WDHD1: variants seen among roughly 807,000 people sequenced by gnomAD.
The protein encoded by WDHD1 is WD repeat and HMG-box DNA binding protein 1, also known as WD repeat and HMG-box DNA-binding protein 1.
A neutral mutation model predicts 135.4 loss-of-function variants in WDHD1; 111 were observed. That is an observed-to-expected ratio of 0.82 (90% CI 0.70 to 0.96). The LOEUF (loss-of-function observed/expected upper bound fraction) is 0.96, where lower values mean the gene tolerates loss of function less well. Ranked by LOEUF, WDHD1 falls within the 40% of genes least tolerant of loss-of-function variation. The probability of loss-of-function intolerance (pLI) is 0.00; values close to 1 mark genes in which losing one functional copy is unlikely to be tolerated. For synonymous variants in WDHD1, 434 were observed against 439.0 expected, an observed-to-expected ratio of 0.99 and a Z score of 0.14; for missense variants, 1,351 against 1,336.3, an observed-to-expected ratio of 1.01 and a Z score of -0.17.
chr14:54,941,972 C>A (rs1267993395), intron 25 of WDHD1, among the ~76,000 whole-genome samples: 1 of 152,124 alleles, frequency 6.6e-6, no homozygotes, highest in South Asian at 2.1e-4. Flanking sequence ...AACTTTTGGC[C>A]AGGCACGGTG....
At position 54,963,174 on chromosome 14, in the gene WDHD1, T is replaced by G. The variant is rs1263769684; in HGVS notation, c.2311-2A>C. The G allele has an allele frequency of 5.1e-5, 11 of 216,554 alleles. No homozygotes were observed. Among genetic ancestry groups the G allele is most frequent in the Admixed American group, 1.7e-4 (3 of 17,400 alleles). 13.4% of individuals were successfully genotyped at this position (216,554 alleles called of 1,614,324 possible). Reference sequence around the variant, plus strand: ...TTCTCGCTCCAGTTTACAAGAAAGCTAATCCAAAAAGGGGGGGGGGGGGGA... The same window carrying G: ...TTCTCGCTCCAGTTTACAAGAAAGCGAATCCAAAAAGGGGGGGGGGGGGGA... On this transcript the variant is annotated splice_acceptor_variant, in intron 18 of 25. Coordinates refer to ENST00000360586, the MANE Select transcript of WDHD1 (RefSeq NM_007086.4). LOFTEE classifies it high-confidence loss of function.
At position 54,957,175 on chromosome 14, in the gene WDHD1, C is replaced by T. The variant is rs1322060655; in HGVS notation, c.2775G>A (p.Met925Ile). The T allele has an allele frequency of 6.2e-7, 1 of 1,614,064 alleles. No individual in the cohort carries two copies. The highest frequency in any genetic ancestry group is 1.1e-5 in the South Asian group (1 of 91,056). The change falls in exon 23 of 26, where the codon ATG becomes ATA. Residue 925 changes from methionine (M) to isoleucine (I), a missense_variant. By Grantham distance (10) the Met-to-Ile change is conservative (BLOSUM62 1). Transcript: ENST00000360586. The part of the protein sequence containing the change: ...KVSASSKEPA[M>I]SMNSARSTNI... ...TAGTTGAACGTGCTGAATTCATTGA[C>T]ATGGCTGGTTCTTTGGAACTGGCTG...
intron 16 of WDHD1, among the ~76,000 whole-genome samples, chr14:54,979,180 G>C (rs913326395): frequency 2.0e-5 from 3 of 151,738 alleles, no homozygotes; most frequent in Non-Finnish European, 4.4e-5. Context: ...TTTTGAGATA[G>C]GTTCTCTGTC....
intron 24 of WDHD1, among the ~76,000 whole-genome samples, chr14:54,950,144 T>C (rs1305100400): frequency 2.0e-5 from 3 of 152,152 alleles, no homozygotes; most frequent in African/African-American, 4.8e-5. Context: ...CACATAACAA[T>C]ATTAACCTTA....
chr14:54,992,757 A>T (rs977294848), intron 11 of WDHD1, among the ~76,000 whole-genome samples: 1 of 151,758 alleles, frequency 6.6e-6, no homozygotes, highest in Admixed American at 6.6e-5. Flanking sequence ...TCTACAAAAA[A>T]TAAAAAATTA....
chr14:54,990,698 C>T (rs558263061), intron 12 of WDHD1, among the ~76,000 whole-genome samples: 5 of 152,090 alleles, frequency 3.3e-5, no homozygotes, highest in Admixed American at 2.0e-4. Flanking sequence ...ATACCTTGTT[C>T]CAAATCCTAA....
At chr14:55,007,098 T>C (rs1280125231) in intron 7 of WDHD1, among the ~76,000 whole-genome samples, 182 bp downstream of exon 7, 1 of 151,664 alleles carries the variant, frequency 6.6e-6, no homozygotes, top group Non-Finnish European at 1.5e-5. Flanking sequence ...CATGGCAGTG[T>C]GCACCTGTAA....
chr14:54,978,597 A>C lies in WDHD1; in HGVS notation c.2063+2943T>G, dbSNP rs533895651. ...GATACCCTGGCTCTAAAAAAAAAAA[A>C]CCGTTAATGAATATACTTCTTCTGA... is the stretch of plus-strand genomic sequence containing the variant. On this transcript the variant is annotated intron_variant, in intron 16 of 25. Coordinates refer to ENST00000360586, the MANE Select transcript of WDHD1 (RefSeq NM_007086.4). Among the ~76,000 whole-genome samples the C allele has an allele frequency of 6.6e-5, 10 of 151,764 alleles. No homozygotes were observed. In the East Asian group the frequency reaches 1.9e-3, roughly 29 times the overall value.
chr14:54,952,141 G>C (rs1174995913), intron 24 of WDHD1, among the ~76,000 whole-genome samples: 1 of 152,162 alleles, frequency 6.6e-6, no homozygotes, highest in Non-Finnish European at 1.5e-5. Flanking sequence ...GTTCTGGCCA[G>C]GGCAATCAGG....
At chr14:54,992,998 C>T (rs1158639195) in intron 11 of WDHD1, among the ~76,000 whole-genome samples, 1 of 152,058 alleles carries the variant, frequency 6.6e-6, no homozygotes, top group Non-Finnish European at 1.5e-5. Context: ...TAAAAAGTGT[C>T]AGTATAAAGA....
intron 13 of WDHD1, among the ~76,000 whole-genome samples, chr14:54,987,845 T>C (rs2041718385): frequency 6.6e-6 from 1 of 152,196 alleles, no homozygotes. Flanking sequence ...CAGGCTGGTC[T>C]CAAACTCTTG....
intron 4 of WDHD1, 43 bp downstream of exon 4, chr14:55,010,266 T>C (rs1435678263): frequency 2.0e-6 from 3 of 1,463,556 alleles, no homozygotes; most frequent in Non-Finnish European, 2.7e-6. Flanking sequence ...ACAAGGCCTT[T>C]TGTTCTAACA....
intron 3 of WDHD1, among the ~76,000 whole-genome samples, chr14:55,013,194 C>CAAAAAAAAAAAAAAAAAAAAAAAAA (rs71448422): frequency 1.5e-4 from 12 of 82,320 alleles, no homozygotes; most frequent in African/African-American, 4.7e-4. Flanking sequence ...GATCCCGTTT[C>CAAAAAAAAAAAAAAAAAAAAAAAAA]AAAAAAAAAA....
At chr14:55,000,850 G>A (rs1412260042) in intron 9 of WDHD1, 36 bp downstream of exon 9, 1 of 1,409,780 alleles carries the variant, frequency 7.1e-7, no homozygotes, top group Non-Finnish European at 9.5e-7. Flanking sequence ...TAATAGAGAT[G>A]AGCAAAGAAG....
intron 2 of WDHD1, among the ~76,000 whole-genome samples, chr14:55,014,442 C>A (rs1022266072): frequency 4.6e-5 from 7 of 152,128 alleles, no homozygotes; most frequent in Admixed American, 1.3e-4. Flanking sequence ...ATATAATCTG[C>A]AACAATAAAA....
intron 16 of WDHD1, among the ~76,000 whole-genome samples, chr14:54,975,324 T>C (rs2041507562): frequency 6.6e-6 from 1 of 152,014 alleles, no homozygotes; most frequent in African/African-American, 2.4e-5. Context: ...ATGACATTAA[T>C]ACAGATCAGT....
At chr14:54,999,293 T>C (rs1251437779) in intron 10 of WDHD1, among the ~76,000 whole-genome samples, 1 of 152,080 alleles carries the variant, frequency 6.6e-6, no homozygotes, top group Non-Finnish European at 1.5e-5. Flanking sequence ...GGACAGTCTA[T>C]TTCATCTTTT....
intron 23 of WDHD1, 59 bp from the exon 24 acceptor site, chr14:54,955,753 A>T (rs2041144340): frequency 1.5e-6 from 2 of 1,322,432 alleles, no homozygotes; most frequent in Non-Finnish European, 2.0e-6. Context: ...ATGTTTTATA[A>T]GCACGTTCTG....
Position 54,987,401 on chromosome 14 carries a change from C to A in WDHD1, c.1527-14G>T, listed in dbSNP as rs200894779. The stretch of plus-strand genomic sequence containing the variant: ...CAGTGAAGCTTGCTAAAAATTAAAA[C>A]AAGACAGAAACAATCAAACTTTCAT... On this transcript the variant is annotated splice_polypyrimidine_tract_variant and intron_variant, in intron 13 of 25. Transcript: ENST00000360586. The A allele has an allele frequency of 3.1e-6, 5 of 1,607,150 alleles. No homozygotes were observed. The Admixed American group carries it at 8.4e-5, about 27-fold the overall frequency.
Sources: gnomAD v4.1 joint callset for allele counts (sites outside exome capture counted in the v4.1 genomes callset) on GRCh38, gnomAD v4.1.1 for gene constraint, MANE v1.5 for transcripts, NCBI Gene and HGNC (gene_info 2026-07-23, HGNC 2026-07-21) for gene names.